The following NCAPD2 variants were observed in gnomAD, a reference collection of about 807,000 sequenced individuals.
NCAPD2 encodes the protein condensin complex subunit 1.
In NCAPD2, 100 loss-of-function variants were observed where a neutral mutation model predicts 164.5. The observed-to-expected ratio is 0.61, with a 90% CI of 0.52 to 0.72. The LOEUF (loss-of-function observed/expected upper bound fraction) is 0.72, where lower values mean the gene tolerates loss of function less well. Among genes scored for constraint, NCAPD2 ranks in the 30% least tolerant of loss-of-function variants. NCAPD2 has a pLI of 0.00. For missense variants in NCAPD2, 1,560 were observed against 1,749.2 expected (o/e 0.89, Z 1.93); for synonymous variants, 585 against 642.6 (o/e 0.91, Z 1.36).
chr12:6,510,893 A>G, intron 5 of NCAPD2, 83 bp downstream of exon 5: 1 of 1,488,636 alleles, frequency 6.7e-7, no homozygotes, highest in Non-Finnish European at 9.1e-7. Context: ...CCAATGATCC[A>G]CAAATCCTTT....
At chr12:6,507,465 C>T (rs766280615) in intron 2 of NCAPD2, among the ~76,000 whole-genome samples, 1 of 152,254 alleles carries the variant, frequency 6.6e-6, no homozygotes, top group Non-Finnish European at 1.5e-5. Context: ...GGCCAGTCGC[C>T]GTGAAAGCAC....
chr12:6,521,521 A>G (rs957833691), intron 14 of NCAPD2, among the ~76,000 whole-genome samples: 2 of 151,986 alleles, frequency 1.3e-5, no homozygotes, highest in Non-Finnish European at 2.9e-5. Context: ...CATCTCTACA[A>G]GGGATACCAA....
chr12:6,522,113 C>A, intron 15 of NCAPD2, 76 bp downstream of exon 15: 1 of 1,482,840 alleles, frequency 6.7e-7, no homozygotes, highest in Admixed American at 2.0e-5. Context: ...TTTTTATTAA[C>A]AATAGAGATG....
chr12:6,510,055 A>G lies in NCAPD2; in HGVS notation c.204-20A>G, dbSNP rs780159726. The G allele has an allele frequency of 6.2e-7, 1 of 1,611,352 alleles. No homozygotes were observed. Among genetic ancestry groups the G allele is most frequent in the Non-Finnish European group, 8.5e-7 (1 of 1,177,534 alleles). On this transcript the variant is annotated intron_variant, in intron 3 of 31. Coordinates refer to ENST00000315579, the MANE Select transcript of NCAPD2 (RefSeq NM_014865.4). The stretch of plus-strand genomic sequence containing the variant: ...GCAGGCTCCTTCCTGTCTCACCCCC[A>G]CACTTTCTTTCCCTCATAGTCACTT...
intron 2 of NCAPD2, among the ~76,000 whole-genome samples, chr12:6,505,040 C>CCA (rs1946086440): frequency 6.6e-6 from 1 of 152,146 alleles, no homozygotes; most frequent in African/African-American, 2.4e-5. Flanking sequence ...ACCTGAGGAA[C>CCA]CACAGGAGAT....
At chr12:6,502,281 C>G (rs564749952) in intron 2 of NCAPD2, among the ~76,000 whole-genome samples, 1 of 151,742 alleles carries the variant, frequency 6.6e-6, no homozygotes, top group Non-Finnish European at 1.5e-5. Flanking sequence ...GAGCTTGGGG[C>G]AGTTGAAAGT....
In NCAPD2 at chr12:6,526,078, G is replaced by C. The variant is rs773253189; in HGVS notation, c.2359G>C (p.Glu787Gln). Residue 787 changes from glutamate (E) to glutamine (Q), a missense_variant, in exon 19 of 32, where the codon GAA becomes CAA. Physicochemically the swap from Glu to Gln is conservative, Grantham distance 29 (BLOSUM62 2). Coordinates refer to ENST00000315579, the MANE Select transcript of NCAPD2 (RefSeq NM_014865.4). ...GCTTCCTTCCCCTAGAGGAAAGCCAGAAATTGTGGGAAGCAATTTAGACAC... is the reference window on the plus strand; with the variant it reads ...GCTTCCTTCCCCTAGAGGAAAGCCACAAATTGTGGGAAGCAATTTAGACAC... ...LLGMMARGKP[E>Q]IVGSNLDTLV... is the part of the protein sequence containing the mutation. 4 of 1,613,942 alleles carry C rather than the reference G, an allele frequency of 2.5e-6. No individual in the cohort carries two copies. Among genetic ancestry groups the C allele is most frequent in the Non-Finnish European group, 3.4e-6 (4 of 1,180,018 alleles).
chr12:6,519,185 C>G (rs1358746980), intron 13 of NCAPD2, among the ~76,000 whole-genome samples: 1 of 152,150 alleles, frequency 6.6e-6, no homozygotes, highest in Non-Finnish European at 1.5e-5. Context: ...CCACCGTGCC[C>G]GGCTTGGGCT....
intron 3 of NCAPD2, 80 bp downstream of exon 3, chr12:6,509,872 C>G: frequency 2.0e-6 from 3 of 1,481,386 alleles, no homozygotes; most frequent in Non-Finnish European, 2.8e-6. Context: ...CCTGAAATTC[C>G]AAGTTATAGG....
chr12:6,502,967 C>T (rs571758186), intron 2 of NCAPD2, among the ~76,000 whole-genome samples: 1 of 150,472 alleles, frequency 6.6e-6, no homozygotes, highest in South Asian at 2.1e-4. Context: ...GCCTCAGCCT[C>T]CTGAGCAGCT....
At position 6,514,903 on chromosome 12, in the gene NCAPD2, G is replaced by C; in HGVS notation, c.970G>C (p.Asp324His). 1.2e-6 allele frequency: 2 copies of C among 1,614,216 alleles called. No homozygotes were observed. The highest frequency in any genetic ancestry group is 1.3e-5 in the African/African-American group (1 of 75,064). ...GATGTCCAGCATGTGCATTTTGCTAGATCACCTGGATGGAGAAGTAGGTGG... is the reference window on the plus strand; with the variant it reads ...GATGTCCAGCATGTGCATTTTGCTACATCACCTGGATGGAGAAGTAGGTGG... ...ILMSSMCILL[D>H]HLDGENYMMR... Residue 324 changes from aspartate to histidine, a missense_variant, in exon 9 of 32, where the codon GAT becomes CAT. Asp to His is a moderately conservative substitution (Grantham distance 81, BLOSUM62 -1). Coordinates refer to ENST00000315579, the MANE Select transcript of NCAPD2 (RefSeq NM_014865.4).
intron 2 of NCAPD2, 71 bp downstream of exon 2, chr12:6,495,296 C>A: frequency 1.3e-6 from 2 of 1,556,724 alleles, no homozygotes; most frequent in East Asian, 2.3e-5. Flanking sequence ...GCTACATTGT[C>A]ATTTCTGTTC....
Position 6,516,206 on chromosome 12 carries a change from C to A in NCAPD2, c.988-622C>A, listed in dbSNP as rs568054887. ...ACGAGACTCTGTCTCAAAAAAAAAA[C>A]CAAAAAAAACCACACAGACGGGCGC... On this transcript the variant is annotated intron_variant, in intron 9 of 31. Transcript: ENST00000315579. Among the ~76,000 whole-genome samples, 646 of 143,990 alleles carry A rather than the reference C, an allele frequency of 4.5e-3. 8 individuals carry two copies. Among genetic ancestry groups the A allele is most frequent in the Middle Eastern group, 0.017 (4 of 242 alleles). 94.5% of individuals were successfully genotyped at this position (143,990 alleles called of 152,430 possible).
chr12:6,506,620 T>C (rs577481157), intron 2 of NCAPD2, among the ~76,000 whole-genome samples: 13 of 151,724 alleles, frequency 8.6e-5, no homozygotes, highest in Non-Finnish European at 1.8e-4. Flanking sequence ...ATATATTTTA[T>C]GGTAGTAAAT....
At chr12:6,526,688 C>G in intron 21 of NCAPD2, 73 bp downstream of exon 21, 2 of 1,547,192 alleles carry the variant, frequency 1.3e-6, no homozygotes, top group Non-Finnish European at 1.8e-6. Context: ...GCCACTGCCA[C>G]CACCACTATC....
chr12:6,510,423 T>C (rs745539557), intron 4 of NCAPD2: 108 of 792,226 alleles, frequency 1.4e-4, no homozygotes, highest in Non-Finnish European at 2.2e-4. Context: ...TGGAGAGAAA[T>C]TGTGGTAACT....
chr12:6,511,000 A>G (rs1037585883), intron 5 of NCAPD2, 110 bp from the exon 6 acceptor site: 5 of 1,337,578 alleles, frequency 3.7e-6, no homozygotes, highest in South Asian at 1.4e-5. Flanking sequence ...TTTCTTCCGT[A>G]TTACCTTCTA....
At position 6,517,073 on chromosome 12, in the gene NCAPD2, C is replaced by G. The variant is rs190946534; in HGVS notation, c.1185+48C>G. The G allele has an allele frequency of 5.4e-5, 84 of 1,567,958 alleles. No homozygotes were observed. In the East Asian group the frequency reaches 1.6e-3, roughly 30 times the overall value. ...AAACATATGGTACCTCTCCATATACCAGTGTAAAGAGGAATCCAGTGTTGA... is the reference window on the plus strand; with the variant it reads ...AAACATATGGTACCTCTCCATATACGAGTGTAAAGAGGAATCCAGTGTTGA... On this transcript the variant is annotated intron_variant, in intron 10 of 31. Coordinates refer to ENST00000315579, the MANE Select transcript of NCAPD2 (RefSeq NM_014865.4).
chr12:6,525,001 G>A (rs866229449), intron 17 of NCAPD2, among the ~76,000 whole-genome samples: 3 of 152,222 alleles, frequency 2.0e-5, no homozygotes, highest in African/African-American at 7.2e-5. Flanking sequence ...CAGAAGGGAC[G>A]TGGGGAAGCA....
Sources: gnomAD v4.1 joint callset for allele counts (sites outside exome capture counted in the v4.1 genomes callset) on GRCh38, gnomAD v4.1.1 for gene constraint, MANE v1.5 for transcripts, NCBI Gene and HGNC (gene_info 2026-07-23, HGNC 2026-07-21) for gene names.